TEX9: variants seen among roughly 807,000 people sequenced by gnomAD.
TEX9 encodes testis-expressed protein 9.
Under a neutral mutation model 59.6 loss-of-function variants are expected in TEX9, and 74 were observed. That is an observed-to-expected ratio of 1.24 (90% confidence interval 1.03 to 1.51). The LOEUF is 1.51. TEX9 is among the 40% of genes most tolerant of loss of function. TEX9 has a pLI of 0.00. For synonymous variants in TEX9, 186 were observed against 152.2 expected (o/e 1.22, Z -1.64); for missense variants, 522 against 447.8 (o/e 1.17, Z -1.49).
intron 3 of TEX9, among the ~76,000 whole-genome samples, chr15:56,379,486 G>GAT (rs1261880723): frequency 6.6e-6 from 1 of 152,162 alleles, no homozygotes; most frequent in Non-Finnish European, 1.5e-5. Flanking sequence ...CCTTGAGAAT[G>GAT]ATATACATGC....
intron 1 of TEX9, among the ~76,000 whole-genome samples, chr15:56,356,852 T>C (rs961169637): frequency 6.6e-6 from 1 of 152,048 alleles, no homozygotes; most frequent in Non-Finnish European, 1.5e-5. Context: ...TGGCATCACA[T>C]GGTGGTGGTG....
At chr15:56,444,486 A>G in intron 12 of TEX9, 6 of 1,609,150 alleles carry the variant, frequency 3.7e-6, no homozygotes, top group African/African-American at 1.3e-5. Context: ...TTCATCAATC[A>G]TGAGTTTCTC....
intron 3 of TEX9, among the ~76,000 whole-genome samples, chr15:56,381,599 T>C (rs2047728770): frequency 1.3e-5 from 2 of 152,190 alleles, no homozygotes; most frequent in African/African-American, 4.8e-5. Flanking sequence ...TCACTAGGGT[T>C]TTTGCAGACT....
intron 1 of TEX9, among the ~76,000 whole-genome samples, chr15:56,343,594 G>A (rs978667008): frequency 6.6e-6 from 1 of 152,060 alleles, no homozygotes; most frequent in African/African-American, 2.4e-5. Flanking sequence ...AGTATAGTAA[G>A]AGGATATTAT....
intron 1 of TEX9, among the ~76,000 whole-genome samples, chr15:56,299,842 A>G (rs1446525238): frequency 6.6e-6 from 1 of 152,046 alleles, no homozygotes; most frequent in African/African-American, 2.4e-5. Context: ...GGCAGGATTA[A>G]TCACCCATTG....
chr15:56,260,805 GT>G (rs1402499094), intron 1 of TEX9, among the ~76,000 whole-genome samples: 1 of 151,896 alleles, frequency 6.6e-6, no homozygotes, highest in East Asian at 1.9e-4. Context: ...CCTGAAAGAG[GT>G]TATGTAGGAT....
chr15:56,406,095 C>T (rs767924635), intron 9 of TEX9, among the ~76,000 whole-genome samples: 5 of 152,148 alleles, frequency 3.3e-5, no homozygotes, highest in Non-Finnish European at 7.4e-5. Flanking sequence ...CCTTTGTACT[C>T]CTGCCCCATA....
In TEX9 at chr15:56,408,040, A is replaced by G. The variant is rs568371709; in HGVS notation, c.829-4262A>G. ...AGATTATACTCATTAGTGTACAGAC[A>G]TTTCATAGAATCATTCATATATCTA... On this transcript the variant is annotated intron_variant, in intron 9 of 12. Transcript: ENST00000352903. Among the ~76,000 whole-genome samples the G allele has an allele frequency of 5.3e-5, 8 of 152,330 alleles. No homozygotes were observed. The Middle Eastern group carries it at 0.01, about 194-fold the overall frequency.
rs1596100289 is a variant in TEX9 at position 56,336,802 on chromosome 15, A to G, written c.-106-36639A>G. Among the ~76,000 whole-genome samples the G allele has an allele frequency of 2.6e-5, 4 of 152,068 alleles. No homozygotes were observed. The South Asian group carries it at 8.3e-4, about 31-fold the overall frequency. The stretch of plus-strand genomic sequence containing the variant: ...TAGGGCAAGGGAATTGGGCCCTTAT[A>G]CTCCTACATCAGCCAGTCTTTGGTT... On this transcript the variant is annotated intron_variant, in intron 1 of 5. Transcript: ENST00000560827.
intron 1 of TEX9, among the ~76,000 whole-genome samples, chr15:56,347,459 C>T (rs1182312531): frequency 1.3e-5 from 2 of 151,496 alleles, no homozygotes; most frequent in Non-Finnish European, 2.9e-5. Context: ...GATAAAGATG[C>T]AAAAGCAATT....
At chr15:56,294,851 T>C (rs2045181034) in intron 1 of TEX9, among the ~76,000 whole-genome samples, 2 of 152,132 alleles carry the variant, frequency 1.3e-5, no homozygotes, top group South Asian at 4.1e-4. Flanking sequence ...AGTATATCTA[T>C]ATACCAATTA....
In TEX9 at chr15:56,358,858, T is replaced by C. The variant is rs955008430; in HGVS notation, c.-106-14583T>C. Among the ~76,000 whole-genome samples, 16 of 152,202 alleles carry C rather than the reference T, an allele frequency of 1.1e-4. No homozygotes were observed. In the South Asian group the frequency reaches 1.9e-3, roughly 18 times the overall value. ...TCATGAGATCTGATGGTTTTATAAG[T>C]GTCTGACATTTCCTCTTTCACGTAC... On this transcript the variant is annotated intron_variant, in intron 1 of 5. Coordinates refer to the TEX9 transcript ENST00000560827.
chr15:56,446,623 A>T (rs2050906099), downstream of TEX9, among the ~76,000 whole-genome samples: 1 of 152,078 alleles, frequency 6.6e-6, no homozygotes, highest in African/African-American at 2.4e-5. Context: ...TACTGAATAT[A>T]GCTGGTCATT....
chr15:56,382,499 C>G (rs902158731), intron 3 of TEX9, among the ~76,000 whole-genome samples: 1 of 152,172 alleles, frequency 6.6e-6, no homozygotes, highest in African/African-American at 2.4e-5. Flanking sequence ...TCTCAGAGCC[C>G]AAGGCCCATG....
intron 12 of TEX9, among the ~76,000 whole-genome samples, chr15:56,438,305 A>G (rs554254765): frequency 2.6e-5 from 4 of 152,296 alleles, no homozygotes; most frequent in Admixed American, 2.6e-4. Flanking sequence ...CCTCAGAAAT[A>G]GTACCACACA....
chr15:56,397,921 T>G (rs2048556509), intron 9 of TEX9: 1 of 153,724 alleles, frequency 6.5e-6, no homozygotes, highest in African/African-American at 2.4e-5. Context: ...ATCTCTTTCT[T>G]TTGTAAATTG....
At chr15:56,334,718 C>A (rs879742252) in intron 1 of TEX9, among the ~76,000 whole-genome samples, 3 of 152,014 alleles carry the variant, frequency 2.0e-5, no homozygotes, top group Non-Finnish European at 4.4e-5. Flanking sequence ...AAGAGACAAC[C>A]CACAGGATGG....
At chr15:56,445,565 T>C (rs1279821620) in intron 12 of TEX9, 1 of 152,084 alleles carries the variant, frequency 6.6e-6, no homozygotes, top group African/African-American at 2.4e-5. Context: ...TCTGATTATC[T>C]TCTTTGTACA....
intron 1 of TEX9, among the ~76,000 whole-genome samples, chr15:56,330,857 G>A (rs1401650877): frequency 6.6e-6 from 1 of 151,914 alleles, no homozygotes; most frequent in Admixed American, 6.6e-5. Context: ...AAAAAGACAT[G>A]GAATAGCTGA....
Sources: allele counts gnomAD v4.1 joint callset (sites outside exome capture counted in the v4.1 genomes callset), GRCh38; gene constraint gnomAD v4.1.1; transcripts MANE v1.5; gene names NCBI Gene and HGNC (gene_info 2026-07-23, HGNC 2026-07-21).